Variants in RASGRP1 observed in about 807,000 individuals in gnomAD.
RASGRP1 encodes RAS guanyl releasing protein 1, also known as RAS guanyl-releasing protein 1.
RASGRP1 carries 37 observed loss-of-function variants against 95.1 expected under a neutral mutation model. That is an observed-to-expected ratio of 0.39 (90% CI 0.30 to 0.51). The LOEUF is 0.51. Ranked by LOEUF, RASGRP1 falls within the 20% of genes least tolerant of loss-of-function variation. The pLI, the probability that RASGRP1 is intolerant of heterozygous loss-of-function variation, is 0.80. For synonymous variants in RASGRP1, 325 were observed against 353.4 expected, an observed-to-expected ratio of 0.92 and a Z score of 0.90; for missense variants, 711 against 965.4, an observed-to-expected ratio of 0.74 and a Z score of 3.49.
rs1328783722 is a variant in RASGRP1 at position 38,512,888 on chromosome 15, A to C, written c.744T>G (p.Ile248Met). Reference protein sequence around the residue: ...VKENPTMERSIALCNGISQWV... With the variant: ...VKENPTMERSMALCNGISQWV... The stretch of plus-strand genomic sequence containing the variant: ...ACTGGGAGATGCCGTTGCACAGAGC[A>C]ATAGATCGCTCCATGGTGGGGTTTT... Residue 248 changes from isoleucine to methionine, a missense_variant, in exon 7 of 17, where the codon ATT becomes ATG. By Grantham distance (10) the Ile-to-Met change is conservative (BLOSUM62 1). Around this residue, in one of 3 missense-constraint regions of RASGRP1, gnomAD observed 491 missense variants for 676.6 expected, o/e 0.73. Coordinates refer to ENST00000310803, the MANE Select transcript of RASGRP1 (RefSeq NM_005739.4). 2 of 1,611,220 alleles carry C rather than the reference A, an allele frequency of 1.2e-6. No individual in the cohort carries two copies. The highest frequency in any genetic ancestry group is 1.7e-6 in the Non-Finnish European group (2 of 1,178,934).
chr15:38,494,046 C>G (rs1890698349), intron 16 of RASGRP1, among the ~76,000 whole-genome samples: 2 of 152,188 alleles, frequency 1.3e-5, no homozygotes, highest in African/African-American at 4.8e-5. Context: ...TGGTTTTTCT[C>G]TGTGAGCCTA....
At chr15:38,500,339 GT>G (rs147822101) in intron 13 of RASGRP1, among the ~76,000 whole-genome samples, 200 bp from the exon 14 acceptor site, 3 of 148,752 alleles carry the variant, frequency 2.0e-5, no homozygotes, top group Non-Finnish European at 3.0e-5. Flanking sequence ...CAAGAAGCAG[GT>G]TTTTTTTGTT....
rs371177219 is a variant in RASGRP1, at chr15:38,516,399, C to T, written c.522-49G>A. 12 of 1,558,104 alleles carry T rather than the reference C, an allele frequency of 7.7e-6. No individual in the cohort carries two copies. In the East Asian group the frequency reaches 1.1e-4, roughly 15 times the overall value. ...GAGAAGACAGGGAAAAGGAATAAATCGCTTTTTGCAAGTAAATCCATTAAC... is the reference window on the plus strand; with the variant it reads ...GAGAAGACAGGGAAAAGGAATAAATTGCTTTTTGCAAGTAAATCCATTAAC... On this transcript the variant is annotated intron_variant, in intron 5 of 16. Transcript: ENST00000310803.
At chr15:38,542,371 G>A (rs1207556952) in intron 2 of RASGRP1, among the ~76,000 whole-genome samples, 3 of 151,824 alleles carry the variant, frequency 2.0e-5, no homozygotes. Context: ...AACCACCAAC[G>A]GAACTCAAAA....
At chr15:38,511,568 G>A in intron 8 of RASGRP1, 36 bp downstream of exon 8, 1 of 1,497,470 alleles carries the variant, frequency 6.7e-7, no homozygotes, top group South Asian at 1.1e-5. Flanking sequence ...TCTTGAGAAT[G>A]CTGCTAAGGG....
At chr15:38,503,775 G>A (rs1290938740) in intron 10 of RASGRP1, 1 of 208,868 alleles carries the variant, frequency 4.8e-6, no homozygotes, top group Non-Finnish European at 9.5e-6. Flanking sequence ...TAAAAGGCAG[G>A]AAGGCACAAG....
At position 38,564,584 on chromosome 15, in the gene RASGRP1, C is replaced by A; in HGVS notation, c.35+10G>T. ...AGGCGCTCCCGAGGGCCACGGCCGCCTCTACTCACCGCGGAGCCTCTCTCG... is the reference window on the plus strand; with the variant it reads ...AGGCGCTCCCGAGGGCCACGGCCGCATCTACTCACCGCGGAGCCTCTCTCG... On this transcript the variant is annotated intron_variant, in intron 1 of 16. Coordinates refer to ENST00000310803, the MANE Select transcript of RASGRP1 (RefSeq NM_005739.4). 7.2e-7 allele frequency: 1 copy of A among 1,379,344 alleles called. No individual in the cohort carries two copies. Among genetic ancestry groups the A allele is most frequent in the Admixed American group, 2.7e-5 (1 of 36,952 alleles). 85.4% of individuals were successfully genotyped at this position (1,379,344 alleles called of 1,614,324 possible).
At chr15:38,504,885 C>T (rs975846716) in intron 10 of RASGRP1, 3 of 152,096 alleles carry the variant, frequency 2.0e-5, no homozygotes, top group African/African-American at 7.2e-5. Flanking sequence ...CTTAAGGGAC[C>T]ACTGTGGTAT....
chr15:38,510,100 T>C (rs886169315), intron 8 of RASGRP1, among the ~76,000 whole-genome samples: 12 of 152,148 alleles, frequency 7.9e-5, no homozygotes, highest in Admixed American at 2.6e-4. Context: ...GAAGGTGAAA[T>C]CAACAACTTG....
chr15:38,500,330 A>C (rs2141087814), intron 13 of RASGRP1, among the ~76,000 whole-genome samples, 191 bp from the exon 14 acceptor site: 2 of 151,094 alleles, frequency 1.3e-5, no homozygotes, highest in Middle Eastern at 6.8e-3. Flanking sequence ...AAAGTTTCTC[A>C]AGAAGCAGGT....
intron 2 of RASGRP1, among the ~76,000 whole-genome samples, chr15:38,544,732 G>T (rs928304458): frequency 2.0e-5 from 3 of 152,180 alleles, no homozygotes; most frequent in East Asian, 1.9e-4. Flanking sequence ...AGCAGAAAAC[G>T]AACTAAGATA....
chr15:38,518,874 A>G (rs969357040), intron 4 of RASGRP1, among the ~76,000 whole-genome samples: 1 of 152,226 alleles, frequency 6.6e-6, no homozygotes, highest in African/African-American at 2.4e-5. Context: ...AGTGAAAACT[A>G]TAAGATATAA....
chr15:38,539,627 T>A (rs1892787671), intron 2 of RASGRP1, among the ~76,000 whole-genome samples: 1 of 151,998 alleles, frequency 6.6e-6, no homozygotes, highest in African/African-American at 2.4e-5. Flanking sequence ...ATGTGCAGGT[T>A]AGTTACATAT....
At chr15:38,564,405 C>G (rs972154233) in intron 1 of RASGRP1, among the ~76,000 whole-genome samples, 189 bp downstream of exon 1, 5 of 152,246 alleles carry the variant, frequency 3.3e-5, no homozygotes, top group Non-Finnish European at 5.9e-5. Flanking sequence ...GCTCCCTCCC[C>G]GAAACCCCGG....
intron 1 of RASGRP1, among the ~76,000 whole-genome samples, chr15:38,563,501 A>G (rs1338985922): frequency 6.6e-6 from 1 of 152,210 alleles, no homozygotes; most frequent in African/African-American, 2.4e-5. Context: ...TGAGCTTTTT[A>G]TGAAATCCGC....
chr15:38,520,089 GA>G (rs1476875256), intron 3 of RASGRP1, among the ~76,000 whole-genome samples: 2 of 152,162 alleles, frequency 1.3e-5, no homozygotes, highest in African/African-American at 4.8e-5. Context: ...AAGATAAATG[GA>G]AAAAAATATT....
At chr15:38,532,462 T>C (rs1451517657) in intron 2 of RASGRP1, among the ~76,000 whole-genome samples, 1 of 152,198 alleles carries the variant, frequency 6.6e-6, no homozygotes, top group Non-Finnish European at 1.5e-5. Context: ...ACTAAGCGGA[T>C]TCTGGAGAGT....
At chr15:38,496,371 T>G (rs1486819143) in intron 15 of RASGRP1, among the ~76,000 whole-genome samples, 8 of 152,160 alleles carry the variant, frequency 5.3e-5, no homozygotes, top group Admixed American at 3.3e-4. Context: ...TGGGGCAGGG[T>G]TTGGAAAAGG....
Position 38,489,729 on chromosome 15 carries a change from C to CT in RASGRP1, c.*824dup, listed in dbSNP as rs60689584. Reference sequence around the variant, plus strand: ...AAGAGTTAAACAGACTCTTCATAGACTTTTTTTTTTAAGCCATCAATTCCT... The same window carrying CT: ...AAGAGTTAAACAGACTCTTCATAGACTTTTTTTTTTTAAGCCATCAATTCCT... On this transcript the variant is annotated 3_prime_UTR_variant, in exon 17 of 17. Coordinates refer to ENST00000310803, the MANE Select transcript of RASGRP1 (RefSeq NM_005739.4). The CT allele has an allele frequency of 0.73, 109,477 of 149,886 alleles. 39,962 individuals carry two copies. The highest frequency in any genetic ancestry group is 0.82 in the South Asian group (3,868 of 4,732). The allele number at this position is 149,886 out of a possible 1,614,324, so 9.3% of individuals were successfully genotyped here.
Sources: gnomAD v4.1 joint callset for allele counts (sites outside exome capture counted in the v4.1 genomes callset) on GRCh38, gnomAD v4.1.1 for gene constraint, gnomAD v4.1.1 regional missense constraint, MANE v1.5 for transcripts, NCBI Gene and HGNC (gene_info 2026-07-23, HGNC 2026-07-21) for gene names.